Variants in TBATA observed in about 807,000 individuals in gnomAD.
TBATA encodes thymus, brain and testes associated.
A neutral mutation model predicts 38.7 loss-of-function variants in TBATA; 47 were observed. The observed-to-expected ratio is 1.21, with a 90% CI of 0.96 to 1.55. The LOEUF (loss-of-function observed/expected upper bound fraction) is 1.55, where lower values mean the gene tolerates loss of function less well. TBATA is among the 40% of genes most tolerant of loss of function. The probability of loss-of-function intolerance (pLI) is 0.00; values close to 1 mark genes in which losing one functional copy is unlikely to be tolerated. For missense variants in TBATA, 436 were observed against 435.6 expected (o/e 1.00, Z -0.01); for synonymous variants, 183 against 170.5 (o/e 1.07, Z -0.57).
chr10:70,776,417 A>G (rs980148758), intron 7 of TBATA: 21 of 456,146 alleles, frequency 4.6e-5, no homozygotes, highest in Admixed American at 4.0e-4. Context: ...AGTCCTGGCT[A>G]TGCTGCTCCG....
intron 9 of TBATA, among the ~76,000 whole-genome samples, chr10:70,772,946 C>A (rs116348472): frequency 0.012 from 1,899 of 152,304 alleles, 36 homozygotes; most frequent in African/African-American, 0.043. Context: ...AGACAAGAAC[C>A]CTGCGTCTTG....
At chr10:70,781,520 A>C (rs940300410) in intron 4 of TBATA, among the ~76,000 whole-genome samples, 6 of 152,254 alleles carry the variant, frequency 3.9e-5, no homozygotes, top group African/African-American at 1.4e-4. Flanking sequence ...TTAAGAGAAC[A>C]GAGCACTGCT....
At chr10:70,781,732 T>C (rs1278548803) in intron 4 of TBATA, 69 bp downstream of exon 4, 1 of 1,430,834 alleles carries the variant, frequency 7.0e-7, no homozygotes, top group Admixed American at 1.8e-5. Context: ...CCATCAATTC[T>C]TGCTTCCCAG....
At chr10:70,784,559 A>T (rs1844649943) in intron 2 of TBATA, 88 bp downstream of exon 2, 2 of 152,148 alleles carry the variant, frequency 1.3e-5, no homozygotes, top group South Asian at 4.2e-4. Context: ...AGGTAGTGGG[A>T]TGGGTTGGAG....
rs1843532976 is a variant in TBATA at position 70,777,284 on chromosome 10, C to T, written c.562G>A (p.Glu188Lys). 17 of 1,613,802 alleles carry T rather than the reference C, an allele frequency of 1.1e-5. No homozygotes were observed. The highest frequency in any genetic ancestry group is 1.4e-5 in the Non-Finnish European group (17 of 1,179,934). The change falls in exon 7 of 11, where the codon GAG (glutamate) becomes AAG (lysine). Residue 188 changes from glutamate to lysine, a missense_variant. Glu to Lys is a moderately conservative substitution (Grantham distance 56). Transcript: ENST00000456372. The stretch of plus-strand genomic sequence containing the variant: ...GAAGCGGGGATGAGCCTCCCAGTCT[C>T]TGCTGAGTACTTTGCCCCCTGCTCC... ...LREQGAKYSA[E>K]TGRLIPASTR... is the part of the protein sequence containing the mutation.
intron 4 of TBATA, among the ~76,000 whole-genome samples, chr10:70,781,522 A>C (rs75799959): frequency 0.017 from 2,618 of 152,330 alleles, 68 homozygotes; most frequent in African/African-American, 0.053. Flanking sequence ...AAGAGAACAG[A>C]GCACTGCTCC....
intron 6 of TBATA, 108 bp downstream of exon 6, chr10:70,778,449 C>A (rs1362399335): frequency 1.1e-5 from 12 of 1,082,716 alleles, no homozygotes; most frequent in Non-Finnish European, 1.6e-5. Flanking sequence ...ATGAATCAGT[C>A]CCCCCACCCC....
At chr10:70,777,380 G>T in intron 6 of TBATA, 42 bp from the exon 7 acceptor site, 1 of 1,588,584 alleles carries the variant, frequency 6.3e-7, no homozygotes, top group Non-Finnish European at 8.6e-7. Flanking sequence ...GTCAGCAAGA[G>T]GGGAGGAAGA....
intron 3 of TBATA, chr10:70,782,253 A>T (rs543783744): frequency 2.8e-6 from 4 of 1,441,136 alleles, no homozygotes; most frequent in Non-Finnish European, 3.8e-6. Flanking sequence ...CTTCCTTATC[A>T]GGGAGCTGGC....
At position 70,781,865 on chromosome 10, in the gene TBATA, G is replaced by T; in HGVS notation, c.213C>A (p.Arg71=). ...GGGAGAAGAAGGAGTGGTGACTGAG[G>T]CGTCCAAAGCAGTAGGTGCCAGGGG... The part of the protein sequence containing the change: ...PQTPGTYCFG[R]LSHHSFFSRH... Residue 71 remains arginine (R), a synonymous_variant, in exon 4 of 11, where the codon CGC becomes CGA. Coordinates refer to ENST00000456372, the MANE Select transcript of TBATA (RefSeq NM_001318241.2). 1 of 1,614,184 alleles carries T rather than the reference G, an allele frequency of 6.2e-7. No homozygotes were observed. The highest frequency in any genetic ancestry group is 1.1e-5 in the South Asian group (1 of 91,088).
intron 3 of TBATA, 146 bp from the exon 4 acceptor site, chr10:70,782,182 AC>A (rs1373041544): frequency 8.0e-7 from 1 of 1,249,840 alleles, no homozygotes; most frequent in African/African-American, 1.5e-5. Context: ...CCCCCATAGC[AC>A]CAAAAGCTAG....
chr10:70,781,364 G>A (rs981473816), intron 4 of TBATA, among the ~76,000 whole-genome samples: 7 of 152,198 alleles, frequency 4.6e-5, no homozygotes, highest in Non-Finnish European at 1.0e-4. Context: ...CTGGAGGTCA[G>A]CTCCAGGAGG....
chr10:70,779,490 C>G lies in TBATA; in HGVS notation c.427+103G>C, dbSNP rs372831282. The G allele has an allele frequency of 1.4e-5, 19 of 1,336,332 alleles. No homozygotes were observed. In the East Asian group the frequency reaches 2.8e-4, roughly 20 times the overall value. The allele number at this position is 1,336,332 out of a possible 1,614,324, so 82.8% of individuals were successfully genotyped here. A position where few individuals can be genotyped will look rare whatever the true frequency, so the allele number is the denominator to read the frequency against. On this transcript the variant is annotated intron_variant, in intron 5 of 10. Coordinates refer to ENST00000456372, the MANE Select transcript of TBATA (RefSeq NM_001318241.2). ...GGTTCCCCCAACGGACCTCACTGAC[C>G]TAAGAGCGATGGCCCTTTCCTTCTG... is the stretch of plus-strand genomic sequence containing the variant.
chr10:70,779,503 C>T (rs1387683979), intron 5 of TBATA, 90 bp downstream of exon 5: 2 of 1,376,896 alleles, frequency 1.5e-6, no homozygotes, highest in Non-Finnish European at 9.5e-7. Flanking sequence ...AGAGCGATGG[C>T]CCTTTCCTTC....
At chr10:70,777,003 T>C in intron 7 of TBATA, 150 bp downstream of exon 7, 1 of 733,046 alleles carries the variant, frequency 1.4e-6, no homozygotes, top group Non-Finnish European at 2.1e-6. Context: ...CAGGGGGTCA[T>C]AGCCCCTGCT....
chr10:70,772,878 C>T (rs568243678), intron 9 of TBATA, among the ~76,000 whole-genome samples: 1 of 152,216 alleles, frequency 6.6e-6, no homozygotes, highest in Non-Finnish European at 1.5e-5. Flanking sequence ...CAGCCCTCCC[C>T]CTAGCCCTGA....
chr10:70,777,549 G>A (rs1485577182), intron 6 of TBATA, among the ~76,000 whole-genome samples: 5 of 151,968 alleles, frequency 3.3e-5, no homozygotes, highest in Admixed American at 6.6e-5. Flanking sequence ...GGGCATCCCC[G>A]GCCCTCTCTC....
chr10:70,774,042 T>A, intron 9 of TBATA, 171 bp downstream of exon 9: 1 of 453,688 alleles, frequency 2.2e-6, no homozygotes, highest in Non-Finnish European at 2.9e-6. Context: ...GGCCTTGAAG[T>A]GGCTTGGGTA....
At chr10:70,777,673 TC>T in intron 6 of TBATA, 1 of 386,620 alleles carries the variant, frequency 2.6e-6, no homozygotes, top group Non-Finnish European at 4.9e-6. Context: ...GTTCTCGTTC[TC>T]CCTCCCAGGT....
Sources: gnomAD v4.1 joint callset for allele counts (sites outside exome capture counted in the v4.1 genomes callset) on GRCh38, gnomAD v4.1.1 for gene constraint, MANE v1.5 for transcripts, NCBI Gene and HGNC (gene_info 2026-07-23, HGNC 2026-07-21) for gene names.